Variants in INSL6 observed in about 807,000 individuals in gnomAD.
INSL6 encodes the protein insulin-like peptide INSL6.
In INSL6, 16 loss-of-function variants were observed where a neutral mutation model predicts 9.4. The observed-to-expected ratio is 1.70, with a 90% confidence interval of 1.15 to 2.59. The LOEUF is 2.59. Ranked by LOEUF, INSL6 falls within the 30% of genes most tolerant of loss-of-function variation. INSL6 has a pLI of 0.00. For synonymous variants in INSL6, 154 were observed against 96.9 expected (o/e 1.59, Z -3.46); for missense variants, 391 against 257.3 (o/e 1.52, Z -3.56).
At chr9:5,171,157 G>A (rs549693731) in intron 1 of INSL6, among the ~76,000 whole-genome samples, 1 of 152,276 alleles carries the variant, frequency 6.6e-6, no homozygotes, top group African/African-American at 2.4e-5. Flanking sequence ...TTGGCTTCAT[G>A]TCCAGGGTGC....
At chr9:5,111,264 A>C in the INSL6 span, 1 of 499,302 alleles carries the variant, frequency 2.0e-6, no homozygotes, top group Non-Finnish European at 3.9e-6. Flanking sequence ...AGGCGTGCGC[A>C]GCCTGACTCA....
At chr9:5,056,818 G>T in the INSL6 span, among the ~76,000 whole-genome samples, 2 of 152,136 alleles carry the variant, frequency 1.3e-5, no homozygotes, top group Non-Finnish European at 2.9e-5. Flanking sequence ...ACTTCTCCAT[G>T]GGACTGTATT....
the INSL6 span, among the ~76,000 whole-genome samples, chr9:5,023,937 T>C: frequency 9.2e-5 from 14 of 152,154 alleles, no homozygotes; most frequent in Admixed American, 2.6e-4. Context: ...AGATATTTTT[T>C]AGCTAGTAAG....
At chr9:5,167,259 G>C (rs1404412593) in intron 1 of INSL6, among the ~76,000 whole-genome samples, 1 of 152,214 alleles carries the variant, frequency 6.6e-6, no homozygotes, top group Non-Finnish European at 1.5e-5. Context: ...CTGGGGATCA[G>C]GAGGTCCCCT....
the INSL6 span, among the ~76,000 whole-genome samples, chr9:5,035,114 A>C: frequency 1.3e-5 from 2 of 152,372 alleles, no homozygotes; most frequent in African/African-American, 4.8e-5. Context: ...CCTCTACATG[A>C]ATAAACTAGA....
chr9:5,074,795 A>G, the INSL6 span, among the ~76,000 whole-genome samples: 1 of 152,192 alleles, frequency 6.6e-6, no homozygotes, highest in Non-Finnish European at 1.5e-5. Context: ...AAGCTGCAGC[A>G]GTTATCCAGA....
the INSL6 span, chr9:5,022,162 T>G: frequency 6.2e-7 from 1 of 1,614,192 alleles, no homozygotes; most frequent in East Asian, 2.2e-5. Flanking sequence ...GACCTTTCCA[T>G]CTGGGGAGTA....
chr9:5,037,151 A>T, the INSL6 span, among the ~76,000 whole-genome samples: 2 of 152,220 alleles, frequency 1.3e-5, no homozygotes, highest in African/African-American at 4.8e-5. Flanking sequence ...TCAAAACCAC[A>T]AAGAGATACC....
chr9:5,048,237 G>A, the INSL6 span, among the ~76,000 whole-genome samples: 2 of 151,882 alleles, frequency 1.3e-5, no homozygotes, highest in Non-Finnish European at 2.9e-5. Context: ...TGCCTCCCAG[G>A]TTCAAGTGAT....
the INSL6 span, among the ~76,000 whole-genome samples, chr9:5,036,861 T>G: frequency 6.6e-6 from 1 of 152,148 alleles, no homozygotes; most frequent in Non-Finnish European, 1.5e-5. Context: ...AATTGACAAA[T>G]GGGATCTCAT....
chr9:5,082,737 A>G, the INSL6 span, among the ~76,000 whole-genome samples: 2 of 152,184 alleles, frequency 1.3e-5, no homozygotes, highest in African/African-American at 4.8e-5. Context: ...TGGTTTATTG[A>G]GACTGGAGAA....
chr9:5,163,662 G>A (rs983610639), downstream of INSL6, among the ~76,000 whole-genome samples: 2 of 152,076 alleles, frequency 1.3e-5, no homozygotes, highest in African/African-American at 4.8e-5. Context: ...CAAGTGAACA[G>A]GTAACTCTTA....
At chr9:5,095,139 C>T in the INSL6 span, 9 of 151,786 alleles carry the variant, frequency 5.9e-5, no homozygotes, top group Non-Finnish European at 1.2e-4. Context: ...TCCATGCTAC[C>T]TATTAAACCA....
At chr9:5,001,489 T>C in the INSL6 span, among the ~76,000 whole-genome samples, 1 of 152,194 alleles carries the variant, frequency 6.6e-6, no homozygotes, top group African/African-American at 2.4e-5. Context: ...TAAATTGCAT[T>C]GATTCATTTT....
the INSL6 span, among the ~76,000 whole-genome samples, chr9:5,033,924 C>A: frequency 6.6e-6 from 1 of 152,082 alleles, no homozygotes; most frequent in African/African-American, 2.4e-5. Context: ...CTAAATGCTC[C>A]AATTAAAAGA....
rs532811675 is a variant in INSL6 at position 5,156,122 on chromosome 9, T to C, written c.376+8057A>G. ...AATATGACTAAGAACTTTCATGCAATTGACAAATTTCTTAAAAGGAAAAAA... is the reference window on the plus strand; with the variant it reads ...AATATGACTAAGAACTTTCATGCAACTGACAAATTTCTTAAAAGGAAAAAA... On this transcript the variant is annotated intron_variant, in intron 2 of 3. Transcript: ENST00000649639. Among the ~76,000 whole-genome samples, 24 of 144,006 alleles carry C rather than the reference T, an allele frequency of 1.7e-4. 1 individual carries two copies. Among genetic ancestry groups the C allele is most frequent in the African/African-American group, 4.8e-4 (18 of 37,478 alleles). 94.5% of individuals were successfully genotyped at this position (144,006 alleles called of 152,430 possible).
chr9:5,124,548 G>A (rs930289026), intron 3 of INSL6, among the ~76,000 whole-genome samples: 1 of 151,512 alleles, frequency 6.6e-6, no homozygotes, highest in Non-Finnish European at 1.5e-5. Context: ...CACAGAATTA[G>A]AAAAAACAAT....
chr9:5,144,892 C>T (rs1235605828), intron 2 of INSL6, among the ~76,000 whole-genome samples: 2 of 152,200 alleles, frequency 1.3e-5, no homozygotes, highest in Non-Finnish European at 2.9e-5. Flanking sequence ...TTGAAGATAG[C>T]ATACCAATGG....
Position 5,126,424 on chromosome 9 carries a change from G to A in INSL6, c.*11-1913C>T, listed in dbSNP as rs780942191. On this transcript the variant is annotated intron_variant, in intron 3 of 3. Transcript: ENST00000649639. The stretch of plus-strand genomic sequence containing the variant: ...TTGAAGAATAATGGAAGATTACCAA[G>A]ACCAGATGGATGCCCAGATGAGGTA... 6.2e-7 allele frequency: 1 copy of A among 1,608,650 alleles called. No individual in the cohort carries two copies. The highest frequency in any genetic ancestry group is 2.2e-5 in the East Asian group (1 of 44,756).
Sources: gnomAD v4.1 joint callset for allele counts (sites outside exome capture counted in the v4.1 genomes callset) on GRCh38, gnomAD v4.1.1 for gene constraint, MANE v1.5 for transcripts, NCBI Gene and HGNC (gene_info 2026-07-23, HGNC 2026-07-21) for gene names.